The following TGFBRAP1 variants were observed in gnomAD, a reference collection of about 807,000 sequenced individuals.
The protein encoded by TGFBRAP1 is transforming growth factor-beta receptor-associated protein 1.
A neutral mutation model predicts 83.2 loss-of-function variants in TGFBRAP1; 20 were observed. The observed-to-expected ratio is 0.24, with a 90% CI of 0.17 to 0.35. TGFBRAP1 has a LOEUF of 0.35. Ranked by LOEUF, TGFBRAP1 falls within the 10% of genes least tolerant of loss-of-function variation. TGFBRAP1 has a pLI of 1.00. For synonymous variants in TGFBRAP1, 415 were observed against 459.8 expected, an observed-to-expected ratio of 0.90 and a Z score of 1.25; for missense variants, 950 against 1,099.4, an observed-to-expected ratio of 0.86 and a Z score of 1.92.
At chr2:105,275,146 G>A (rs1411550942) in intron 8 of TGFBRAP1, among the ~76,000 whole-genome samples, 1 of 152,214 alleles carries the variant, frequency 6.6e-6, no homozygotes, top group Non-Finnish European at 1.5e-5. Context: ...TGTGGCCCAG[G>A]TCTGGGTGCT....
intron 5 of TGFBRAP1, 101 bp from the exon 6 acceptor site, chr2:105,280,824 CA>C: frequency 1.5e-6 from 2 of 1,308,032 alleles, no homozygotes; most frequent in African/African-American, 1.5e-5. Context: ...CACACGTTCA[CA>C]GGGGGCTGGG....
intron 1 of TGFBRAP1, among the ~76,000 whole-genome samples, chr2:105,319,559 G>A (rs1376655362): frequency 6.7e-6 from 1 of 149,726 alleles, no homozygotes; most frequent in East Asian, 2.0e-4. Context: ...GGGTGTGGTG[G>A]CAGGTGCCTG....
chr2:105,260,334 G>A (rs548379006), downstream of TGFBRAP1, among the ~76,000 whole-genome samples: 5 of 152,140 alleles, frequency 3.3e-5, no homozygotes, highest in Non-Finnish European at 4.4e-5. Context: ...CCTTGAACCC[G>A]GGAGGCGGAG....
chr2:105,318,211 C>T (rs1678945333), intron 1 of TGFBRAP1, among the ~76,000 whole-genome samples: 1 of 152,150 alleles, frequency 6.6e-6, no homozygotes, highest in Middle Eastern at 3.2e-3. Flanking sequence ...CTCATGTTTC[C>T]TCCAAAGGCT....
intron 6 of TGFBRAP1, 113 bp downstream of exon 6, chr2:105,280,269 G>T: frequency 8.8e-7 from 1 of 1,142,556 alleles, no homozygotes. Context: ...ATAGGTACTT[G>T]GGAACATAAA....
the TGFBRAP1 span, among the ~76,000 whole-genome samples, chr2:105,256,623 C>T: frequency 7.9e-5 from 12 of 152,256 alleles, no homozygotes; most frequent in Non-Finnish European, 1.3e-4. Flanking sequence ...AAGCCTGCCC[C>T]GCCCAAAAGA....
chr2:105,326,419 A>G (rs1436251317), intron 1 of TGFBRAP1, among the ~76,000 whole-genome samples: 1 of 152,222 alleles, frequency 6.6e-6, no homozygotes, highest in Non-Finnish European at 1.5e-5. Flanking sequence ...AACAGCCACA[A>G]AAAATTATCG....
intron 4 of TGFBRAP1, among the ~76,000 whole-genome samples, chr2:105,289,820 T>C (rs28682967): frequency 0.026 from 3,989 of 152,320 alleles, 198 homozygotes; most frequent in African/African-American, 0.091. Context: ...CTTCTGAGTA[T>C]AGAATTGTAA....
At chr2:105,299,088 C>A (rs1267619531) in intron 2 of TGFBRAP1, among the ~76,000 whole-genome samples, 1 of 151,936 alleles carries the variant, frequency 6.6e-6, no homozygotes, top group Non-Finnish European at 1.5e-5. Context: ...CAAGACTAGC[C>A]TGGGCAACAT....
intron 6 of TGFBRAP1, among the ~76,000 whole-genome samples, chr2:105,279,809 G>A (rs182014787): frequency 2.6e-5 from 4 of 152,208 alleles, no homozygotes; most frequent in East Asian, 1.9e-4. Context: ...AGGCCGAGGC[G>A]AGCAGACCAC....
the TGFBRAP1 span, among the ~76,000 whole-genome samples, chr2:105,256,501 G>A: frequency 6.6e-6 from 1 of 152,122 alleles, no homozygotes; most frequent in African/African-American, 2.4e-5. Context: ...GTCCCTGATT[G>A]TTTACAAGAT....
intron 1 of TGFBRAP1, among the ~76,000 whole-genome samples, chr2:105,308,633 C>G (rs1368034263): frequency 6.6e-6 from 1 of 152,074 alleles, no homozygotes; most frequent in Non-Finnish European, 1.5e-5. Context: ...CTGGGAGACA[C>G]GCTTGAAGGC....
the TGFBRAP1 span, among the ~76,000 whole-genome samples, chr2:105,254,753 C>T: frequency 2.0e-5 from 3 of 152,226 alleles, no homozygotes; most frequent in South Asian, 2.1e-4. Context: ...TGTTGAAATC[C>T]TCACCCACAA....
Position 105,267,229 on chromosome 2 carries a change from G to A in TGFBRAP1, c.*154C>T, listed in dbSNP as rs1427534150. 12 of 832,152 alleles carry A rather than the reference G, an allele frequency of 1.4e-5. No homozygotes were observed. The highest frequency in any genetic ancestry group is 3.7e-4 in the Middle Eastern group (1 of 2,736). 51.5% of individuals were successfully genotyped at this position (832,152 alleles called of 1,614,324 possible). On this transcript the variant is annotated 3_prime_UTR_variant, in exon 12 of 12. Transcript: ENST00000393359. ...ACATTCATAGAGCCTGGTCAGCAGC[G>A]AGGAGTCCTTGTTGCGTATGGACGG...
chr2:105,295,869 A>G (rs1167858841), intron 4 of TGFBRAP1, among the ~76,000 whole-genome samples: 2 of 152,092 alleles, frequency 1.3e-5, no homozygotes, highest in South Asian at 2.1e-4. Flanking sequence ...GGGTTCCTAC[A>G]ATACCAATTT....
intron 1 of TGFBRAP1, among the ~76,000 whole-genome samples, chr2:105,316,640 C>A (rs1163315282): frequency 1.3e-5 from 2 of 151,692 alleles, no homozygotes; most frequent in African/African-American, 4.8e-5. Context: ...CATGGTGAAA[C>A]CCGTCTCTAC....
chr2:105,255,647 T>C, the TGFBRAP1 span, among the ~76,000 whole-genome samples: 1 of 152,044 alleles, frequency 6.6e-6, no homozygotes, highest in African/African-American at 2.4e-5. Context: ...AAACAACCAT[T>C]CCAGGGCTTA....
chr2:105,263,338 A>G (rs532439879), downstream of TGFBRAP1, among the ~76,000 whole-genome samples: 7 of 152,326 alleles, frequency 4.6e-5, no homozygotes, highest in East Asian at 1.3e-3. Flanking sequence ...GGAATCTAAA[A>G]GCCAATGCGA....
rs368717478 is a variant in TGFBRAP1 at position 105,316,795 on chromosome 2, C to T, written c.-17-8477G>A. Among the ~76,000 whole-genome samples, 336 of 146,802 alleles carry T rather than the reference C, an allele frequency of 2.3e-3. 3 individuals carry two copies. Among genetic ancestry groups the T allele is most frequent in the African/African-American group, 7.8e-3 (312 of 39,812 alleles). ...TGCCACTGCACTCCAGCCTGGGTGA[C>T]AGAGTGAGACTCTGTCTCAAAAAAA... On this transcript the variant is annotated intron_variant, in intron 1 of 11. Coordinates refer to ENST00000393359, the MANE Select transcript of TGFBRAP1 (RefSeq NM_004257.6).
Sources: gnomAD v4.1 joint callset for allele counts (sites outside exome capture counted in the v4.1 genomes callset) on GRCh38, gnomAD v4.1.1 for gene constraint, MANE v1.5 for transcripts, NCBI Gene and HGNC (gene_info 2026-07-23, HGNC 2026-07-21) for gene names.